The following PTPRD variants were observed in gnomAD, a reference collection of about 807,000 sequenced individuals.
PTPRD encodes the protein receptor-type tyrosine-protein phosphatase delta.
PTPRD carries 34 observed loss-of-function variants against 214.5 expected under a neutral mutation model. That is an observed-to-expected ratio of 0.16 (90% CI 0.12 to 0.21). The LOEUF is 0.21. Ranked by LOEUF, PTPRD falls within the 10% of genes least tolerant of loss-of-function variation. PTPRD has a pLI of 1.00. For missense variants in PTPRD, 2,545 were observed against 2,398.7 expected, an observed-to-expected ratio of 1.06 and a Z score of -1.27; for synonymous variants, 1,128 against 845.7, an observed-to-expected ratio of 1.33 and a Z score of -5.79.
At chr9:8,522,307 G>T (rs567570784) in intron 19 of PTPRD, among the ~76,000 whole-genome samples, 1 of 152,086 alleles carries the variant, frequency 6.6e-6, no homozygotes, top group Non-Finnish European at 1.5e-5. Context: ...GAAGAAATAA[G>T]GGGGCAATAG....
chr9:8,556,553 A>ATTTTATATTTCTTTTTTTTTTT (rs761184510), intron 14 of PTPRD, among the ~76,000 whole-genome samples: 3,724 of 151,712 alleles, frequency 0.025, 119 homozygotes, highest in African/African-American at 0.083. Flanking sequence ...ATACTTGTGT[A>ATTTTATATTTCTTTTTTTTTTT]TTTTATATTT....
chr9:9,365,910 T>C (rs1327107766), intron 9 of PTPRD, among the ~76,000 whole-genome samples: 1 of 151,576 alleles, frequency 6.6e-6, no homozygotes, highest in Non-Finnish European at 1.5e-5. Context: ...ATTAGAATTG[T>C]GGTAACTGAA....
chr9:10,214,974 A>G (rs1357512583), intron 3 of PTPRD, among the ~76,000 whole-genome samples: 2 of 152,022 alleles, frequency 1.3e-5, no homozygotes, highest in Non-Finnish European at 2.9e-5. Context: ...GAAATGGACA[A>G]GTGCTGAATG....
intron 8 of PTPRD, among the ~76,000 whole-genome samples, chr9:9,522,676 A>G (rs1036098415): frequency 2.0e-5 from 3 of 152,126 alleles, no homozygotes; most frequent in South Asian, 2.1e-4. Context: ...TAATCATAAT[A>G]AAAAAGAAAA....
intron 10 of PTPRD, among the ~76,000 whole-genome samples, chr9:9,091,730 AC>A (rs1373502752): frequency 6.6e-6 from 1 of 152,166 alleles, no homozygotes; most frequent in Non-Finnish European, 1.5e-5. Context: ...ACTAAACAAA[AC>A]CTAACAGAAC....
intron 10 of PTPRD, among the ~76,000 whole-genome samples, chr9:9,163,865 T>A (rs2099895804): frequency 6.6e-6 from 1 of 152,166 alleles, no homozygotes; most frequent in African/African-American, 2.4e-5. Context: ...CTTCACATAT[T>A]TTTGTTTTCT....
At chr9:9,215,705 G>T (rs1050217804) in intron 9 of PTPRD, among the ~76,000 whole-genome samples, 2 of 152,162 alleles carry the variant, frequency 1.3e-5, no homozygotes, top group African/African-American at 2.4e-5. Flanking sequence ...ATTAAACCCT[G>T]CTTTACAAGT....
rs151121877 is a variant in PTPRD at position 8,444,060 on chromosome 9, T to C, written c.3988+5665A>G. ...CTGTAATTGGGTCTCTCTATCAAAA[T>C]GGTAAATGTGCCTACCCTAGGACCC... On this transcript the variant is annotated intron_variant, in intron 34 of 45. Coordinates refer to ENST00000381196, the MANE Select transcript of PTPRD (RefSeq NM_002839.4). Among the ~76,000 whole-genome samples the C allele has an allele frequency of 2.7e-4, 41 of 152,274 alleles. No homozygotes were observed. In the East Asian group the frequency reaches 5.8e-3, roughly 22 times the overall value.
At chr9:10,300,482 C>A (rs2095828066) in intron 3 of PTPRD, among the ~76,000 whole-genome samples, 1 of 152,208 alleles carries the variant, frequency 6.6e-6, no homozygotes, top group Admixed American at 6.5e-5. Context: ...GTCCCCCCTC[C>A]ACCACCCGGA....
chr9:9,037,867 G>A (rs540067047), intron 10 of PTPRD, among the ~76,000 whole-genome samples: 13 of 152,258 alleles, frequency 8.5e-5, no homozygotes, highest in African/African-American at 3.1e-4. Context: ...TTTTCACTGT[G>A]CTGACTACGT....
intron 11 of PTPRD, among the ~76,000 whole-genome samples, chr9:8,787,947 G>A (rs1418328568): frequency 5.3e-5 from 8 of 152,000 alleles, no homozygotes; most frequent in Non-Finnish European, 4.4e-5. Context: ...CTATCTACAA[G>A]TGTTATTTAC....
At chr9:9,316,948 T>C (rs1434147021) in intron 9 of PTPRD, among the ~76,000 whole-genome samples, 2 of 152,166 alleles carry the variant, frequency 1.3e-5, no homozygotes, top group Admixed American at 1.3e-4. Flanking sequence ...GTCACTTATA[T>C]AGGAATCTGC....
intron 3 of PTPRD, among the ~76,000 whole-genome samples, chr9:10,281,176 C>G (rs911747901): frequency 1.3e-5 from 2 of 152,036 alleles, no homozygotes; most frequent in African/African-American, 4.8e-5. Flanking sequence ...AAAGAAACAT[C>G]TGAAAATGAG....
At position 8,526,607 on chromosome 9, in the gene PTPRD, C is replaced by T. The variant is rs776410914; in HGVS notation, c.568+20G>A. On this transcript the variant is annotated intron_variant, in intron 17 of 45. Coordinates refer to ENST00000381196, the MANE Select transcript of PTPRD (RefSeq NM_002839.4). ...AGAATGAGTAAGATCATTCTGTGAA[C>T]GTTAGTTCAGCACTCTTACCTCTTA... 22 of 1,565,830 alleles carry T rather than the reference C, an allele frequency of 1.4e-5. 1 individual carries two copies. The highest frequency in any genetic ancestry group is 9.6e-5 in the South Asian group (8 of 83,426).
chr9:10,333,769 T>G lies in PTPRD; in HGVS notation c.-545+7194A>C, dbSNP rs918919248. 4.0e-5 allele frequency among the ~76,000 whole-genome samples: 6 copies of G among 151,854 alleles called. No homozygotes were observed. In the East Asian group the frequency reaches 9.8e-4, roughly 25 times the overall value. ...ACAGTGCTGTTAGAAAAGTCTTATT[T>G]CTTCTCCTGTACATTTTAGGTTTTG... On this transcript the variant is annotated intron_variant, in intron 3 of 45. Coordinates refer to ENST00000381196, the MANE Select transcript of PTPRD (RefSeq NM_002839.4).
At chr9:9,259,625 G>T (rs1343023759) in intron 9 of PTPRD, among the ~76,000 whole-genome samples, 1 of 151,880 alleles carries the variant, frequency 6.6e-6, no homozygotes, top group Non-Finnish European at 1.5e-5. Context: ...AAAGCCCATG[G>T]GAAAGTATCA....
intron 10 of PTPRD, among the ~76,000 whole-genome samples, chr9:9,152,393 C>A (rs1036581162): frequency 5.3e-5 from 8 of 152,114 alleles, no homozygotes; most frequent in Non-Finnish European, 1.0e-4. Context: ...AAAGTAAATT[C>A]TAAAGGAAAT....
chr9:10,026,401 G>C (rs749294536), intron 4 of PTPRD, among the ~76,000 whole-genome samples: 6 of 152,144 alleles, frequency 3.9e-5, no homozygotes, highest in African/African-American at 9.7e-5. Flanking sequence ...TTGTTTAAAA[G>C]ATCTGAAATG....
At chr9:9,552,744 G>A (rs942965070) in intron 8 of PTPRD, among the ~76,000 whole-genome samples, 1 of 152,146 alleles carries the variant, frequency 6.6e-6, no homozygotes, top group South Asian at 2.1e-4. Context: ...TTTTTGTGGA[G>A]CAAAATCACA....
Sources: allele counts gnomAD v4.1 joint callset (sites outside exome capture counted in the v4.1 genomes callset), GRCh38; gene constraint gnomAD v4.1.1; transcripts MANE v1.5; gene names NCBI Gene and HGNC (gene_info 2026-07-23, HGNC 2026-07-21).